GYPB: variants seen among roughly 807,000 people sequenced by gnomAD.
The protein encoded by GYPB is glycophorin B (MNS blood group), also known as glycophorin-B.
A neutral mutation model predicts 15.3 loss-of-function variants in GYPB; 13 were observed. The observed-to-expected ratio is 0.85, with a 90% confidence interval of 0.55 to 1.35. GYPB has a LOEUF of 1.35. Ranked by LOEUF, GYPB falls within the 40% of genes most tolerant of loss-of-function variation. The pLI, the probability that GYPB is intolerant of heterozygous loss-of-function variation, is 0.00. For missense variants in GYPB, 131 were observed against 108.3 expected (o/e 1.21, Z -0.93); for synonymous variants, 38 against 36.9 (o/e 1.03, Z -0.11).
downstream of GYPB, among the ~76,000 whole-genome samples, chr4:143,995,757 A>G (rs552602768): frequency 3.1e-4 from 47 of 151,520 alleles, no homozygotes; most frequent in South Asian, 4.1e-3. Flanking sequence ...AGCCTATCAA[A>G]AATCTGGTTT....
intron 3 of GYPB, 21 bp downstream of exon 3, chr4:143,999,390 C>A: frequency 7.1e-7 from 1 of 1,404,808 alleles, no homozygotes; most frequent in South Asian, 1.2e-5. Context: ...GACTTTTATT[C>A]TTTGTCAAAT....
In GYPB at chr4:144,005,328, T is replaced by C. The variant is rs1410480666; in HGVS notation, c.38-4045A>G. Among the ~76,000 whole-genome samples the C allele has an allele frequency of 4.0e-4, 61 of 152,058 alleles. 4 individuals carry two copies. Among genetic ancestry groups the C allele is most frequent in the African/African-American group, 1.4e-3 (59 of 41,246 alleles). The stretch of plus-strand genomic sequence containing the variant: ...CAGATCTCGCTGCCTGGTTGAGATG[T>C]TGTCAGCAAGATTTCTCTAATGTTT... On this transcript the variant is annotated intron_variant, in intron 1 of 4. Transcript: ENST00000502664.
At chr4:144,002,752 C>G (rs1345689647) in intron 1 of GYPB, 1 of 1,223,122 alleles carries the variant, frequency 8.2e-7, no homozygotes, top group African/African-American at 1.6e-5. Flanking sequence ...TTAGTCTACT[C>G]AAGGGAAGAG....
chr4:144,004,028 A>G (rs1727754614), intron 1 of GYPB, among the ~76,000 whole-genome samples: 1 of 151,504 alleles, frequency 6.6e-6, no homozygotes, highest in African/African-American at 2.5e-5. Context: ...ACTTTATCCA[A>G]GTCCCATCTG....
At chr4:143,997,278 A>C (rs761847719) in intron 4 of GYPB, 44 of 321,836 alleles carry the variant, frequency 1.4e-4, no homozygotes, top group Middle Eastern at 1.9e-3. Flanking sequence ...AAATATGTGA[A>C]AGCAAGTTAG....
chr4:144,010,773 T>A (rs929454702), intron 1 of GYPB, among the ~76,000 whole-genome samples: 4 of 151,346 alleles, frequency 2.6e-5, no homozygotes, highest in Non-Finnish European at 5.9e-5. Context: ...ATCCAGCTTA[T>A]CTAGCTCCAG....
chr4:144,008,959 A>G lies in GYPB; in HGVS notation c.38-7676T>C, dbSNP rs545771345. On this transcript the variant is annotated intron_variant, in intron 1 of 4. Coordinates refer to ENST00000502664, the MANE Select transcript of GYPB (RefSeq NM_002100.6). The stretch of plus-strand genomic sequence containing the variant: ...TTCGAGGTCAATTCTTACATTTTCT[A>G]TGGTTCTAGCGTCACCTTTATCTAT... 1.6e-4 allele frequency among the ~76,000 whole-genome samples: 24 copies of G among 151,486 alleles called. No individual in the cohort carries two copies. The South Asian group carries it at 1.7e-3, about 10-fold the overall frequency.
rs550799796 is a variant in GYPB at position 143,996,201 on chromosome 4, T to A, written c.*98A>T. ...ATTAGGATAGCCAGGGGTAGGGGCA[T>A]AAGCAAAGGAATAGCAGGTGCAGCC... On this transcript the variant is annotated 3_prime_UTR_variant, in exon 5 of 5. Coordinates refer to ENST00000502664, the MANE Select transcript of GYPB (RefSeq NM_002100.6). 7 of 1,547,700 alleles carry A rather than the reference T, an allele frequency of 4.5e-6. No individual in the cohort carries two copies. The African/African-American group carries it at 7.0e-5, about 15-fold the overall frequency.
intron 3 of GYPB, 119 bp from the exon 4 acceptor site, chr4:143,997,753 A>T (rs916245038): frequency 5.9e-5 from 39 of 664,728 alleles, no homozygotes; most frequent in Non-Finnish European, 9.8e-5. Flanking sequence ...TACAGTTAAC[A>T]TACTATTATG....
chr4:144,011,982 AT>A lies in GYPB; in HGVS notation c.37+7268del, dbSNP rs1307950389. ...TTATGTTTTGTATTTATTTCCTTCTATTTTGGTTTTTAAAAATATAATGATG... is the reference window on the plus strand; with the variant it reads ...TTATGTTTTGTATTTATTTCCTTCTATTTGGTTTTTAAAAATATAATGATG... On this transcript the variant is annotated intron_variant, in intron 1 of 4. Transcript: ENST00000502664. 5.9e-5 allele frequency among the ~76,000 whole-genome samples: 9 copies of A among 152,264 alleles called. No homozygotes were observed. In the South Asian group the frequency reaches 1.9e-3, roughly 32 times the overall value.
chr4:144,008,163 C>T (rs1231846806), intron 1 of GYPB, among the ~76,000 whole-genome samples: 1 of 151,556 alleles, frequency 6.6e-6, no homozygotes, highest in Non-Finnish European at 1.5e-5. Context: ...TGCTTAAGTT[C>T]ACACAGCCGC....
At chr4:144,002,308 T>C (rs896012480) in intron 1 of GYPB, among the ~76,000 whole-genome samples, 6 of 151,598 alleles carry the variant, frequency 4.0e-5, no homozygotes, top group Admixed American at 2.0e-4. Flanking sequence ...TATATGTAAA[T>C]ATGGGATCAT....
chr4:144,014,908 A>C lies in GYPB; in HGVS notation c.37+4343T>G, dbSNP rs180915896. Among the ~76,000 whole-genome samples, 51 of 151,674 alleles carry C rather than the reference A, an allele frequency of 3.4e-4. 3 individuals are homozygous for C. Among genetic ancestry groups the C allele is most frequent in the Admixed American group, 2.7e-3 (41 of 15,282 alleles). ...CAGAACCTGCCTATATATGGAACCT[A>C]ACCTGCTGTATATAAATCTAGGGAT... On this transcript the variant is annotated intron_variant, in intron 1 of 4. Coordinates refer to ENST00000502664, the MANE Select transcript of GYPB (RefSeq NM_002100.6).
At chr4:144,002,679 G>A in intron 1 of GYPB, 1 of 1,286,104 alleles carries the variant, frequency 7.8e-7, no homozygotes, top group Non-Finnish European at 1.0e-6. Flanking sequence ...CCCCTCAGCT[G>A]AATGCTCAAA....
intron 1 of GYPB, among the ~76,000 whole-genome samples, chr4:144,013,600 T>C (rs1728330338): frequency 6.6e-6 from 1 of 151,172 alleles, no homozygotes; most frequent in Non-Finnish European, 1.5e-5. Context: ...TAAAAAATGA[T>C]GAGTTCATGT....
intron 1 of GYPB, among the ~76,000 whole-genome samples, chr4:144,013,682 C>T (rs1487126687): frequency 3.3e-5 from 5 of 149,578 alleles, no homozygotes; most frequent in Non-Finnish European, 5.9e-5. Context: ...AAAAACCAGA[C>T]ACCGCATATT....
At chr4:144,015,555 T>G (rs1728443465) in intron 1 of GYPB, among the ~76,000 whole-genome samples, 1 of 151,418 alleles carries the variant, frequency 6.6e-6, no homozygotes, top group South Asian at 2.1e-4. Context: ...CTCATAGATG[T>G]TTTGAATAAT....
At chr4:144,013,410 A>T (rs554989636) in intron 1 of GYPB, among the ~76,000 whole-genome samples, 1 of 151,426 alleles carries the variant, frequency 6.6e-6, no homozygotes, top group African/African-American at 2.5e-5. Context: ...CCAGCCATCC[A>T]ATTACTGGGT....
intron 1 of GYPB, among the ~76,000 whole-genome samples, chr4:144,008,000 A>T (rs1457828428): frequency 6.6e-6 from 1 of 151,376 alleles, no homozygotes; most frequent in Non-Finnish European, 1.5e-5. Context: ...TATGTCTAAG[A>T]TAATAATATT....
Sources: allele counts gnomAD v4.1 joint callset (sites outside exome capture counted in the v4.1 genomes callset), GRCh38; gene constraint gnomAD v4.1.1; transcripts MANE v1.5; gene names NCBI Gene and HGNC (gene_info 2026-07-23, HGNC 2026-07-21).